The following EYS variants were observed in gnomAD, a reference collection of about 807,000 sequenced individuals.
EYS encodes the protein protein eyes shut homolog.
A neutral mutation model predicts 282.1 loss-of-function variants in EYS; 250 were observed. That is an observed-to-expected ratio of 0.89 (90% CI 0.80 to 0.98). The LOEUF is 0.98. Among genes scored for constraint, EYS ranks in the 50% least tolerant of loss-of-function variants. EYS has a pLI of 0.00. For missense variants in EYS, 4,016 were observed against 3,709.0 expected, an observed-to-expected ratio of 1.08 and a Z score of -2.15; for synonymous variants, 1,355 against 1,282.9, an observed-to-expected ratio of 1.06 and a Z score of -1.20.
intron 12 of EYS, among the ~76,000 whole-genome samples, chr6:65,294,993 A>G (rs1768623134): frequency 1.1e-4 from 16 of 151,916 alleles, no homozygotes; most frequent in Admixed American, 1.1e-3. Context: ...CACCATTTCC[A>G]TTTTTGGAAT....
rs1200888716 is a variant in EYS, at chr6:65,503,318, TTTATTA to T, written c.-332-7331_-332-7326del. 3.3e-5 allele frequency among the ~76,000 whole-genome samples: 5 copies of T among 151,620 alleles called. No individual in the cohort carries two copies. The South Asian group carries it at 6.2e-4, about 19-fold the overall frequency. On this transcript the variant is annotated intron_variant, in intron 2 of 42. Transcript: ENST00000503581. ...TATGCACGTTTAATTAGTTCTTTGT[TTTATTA>T]TTATTGAGTTTTAAGAATCCTTTTA...
At chr6:64,821,778 T>G (rs1764907780) in intron 20 of EYS, 55 bp from the exon 21 acceptor site, 1 of 1,028,864 alleles carries the variant, frequency 9.7e-7, no homozygotes, top group Admixed American at 2.3e-5. Context: ...AAAGCATAAC[T>G]TCAAGGGAGT....
intron 26 of EYS, among the ~76,000 whole-genome samples, chr6:64,454,387 T>C (rs1449328981): frequency 6.6e-6 from 1 of 152,154 alleles, no homozygotes; most frequent in Non-Finnish European, 1.5e-5. Flanking sequence ...TATATAAATA[T>C]TGAAATTAGC....
At chr6:65,514,572 G>GT (rs1387178962) in intron 2 of EYS, among the ~76,000 whole-genome samples, 1 of 152,120 alleles carries the variant, frequency 6.6e-6, no homozygotes. Flanking sequence ...AAACAGCATG[G>GT]TACTTGTACC....
chr6:65,545,542 T>G (rs1768353611), intron 2 of EYS, among the ~76,000 whole-genome samples: 1 of 152,064 alleles, frequency 6.6e-6, no homozygotes, highest in Non-Finnish European at 1.5e-5. Context: ...GATCAAAGAG[T>G]ATATTATCTG....
intron 31 of EYS, among the ~76,000 whole-genome samples, chr6:64,115,855 T>C (rs1773365624): frequency 1.3e-5 from 2 of 152,194 alleles, no homozygotes; most frequent in African/African-American, 4.8e-5. Context: ...AGTGGAGATC[T>C]ATGAATTTCC....
chr6:63,929,616 G>A (rs1581989203), intron 35 of EYS, among the ~76,000 whole-genome samples: 1 of 152,176 alleles, frequency 6.6e-6, no homozygotes, highest in African/African-American at 2.4e-5. Flanking sequence ...GCTTCGAAAG[G>A]AAGGCTCTGT....
intron 29 of EYS, among the ~76,000 whole-genome samples, chr6:64,322,518 C>T (rs1770253224): frequency 1.3e-5 from 2 of 151,968 alleles, no homozygotes; most frequent in African/African-American, 2.4e-5. Context: ...GGGCCAATAT[C>T]TCAGAGAGAA....
intron 2 of EYS, among the ~76,000 whole-genome samples, chr6:65,593,582 T>C (rs79513106): frequency 1.0e-3 from 153 of 152,120 alleles, no homozygotes; most frequent in African/African-American, 3.6e-3. Context: ...GTGTCTCTCA[T>C]ATGCATACAC....
chr6:63,839,622 T>G (rs1415674117), intron 36 of EYS, among the ~76,000 whole-genome samples: 1 of 152,168 alleles, frequency 6.6e-6, no homozygotes, highest in Non-Finnish European at 1.5e-5. Flanking sequence ...GTGCTGACAT[T>G]ACAGGTATGA....
At chr6:64,324,814 A>G (rs1770350238) in intron 29 of EYS, among the ~76,000 whole-genome samples, 1 of 152,220 alleles carries the variant, frequency 6.6e-6, no homozygotes, top group Admixed American at 6.5e-5. Flanking sequence ...ATTTCTATGT[A>G]TCAATAACAT....
At chr6:64,340,177 A>G (rs116606795) in intron 29 of EYS, among the ~76,000 whole-genome samples, 4 of 151,460 alleles carry the variant, frequency 2.6e-5, no homozygotes, top group Non-Finnish European at 5.9e-5. Flanking sequence ...AGAAGTAAAA[A>G]AGTGTGTGTG....
intron 31 of EYS, among the ~76,000 whole-genome samples, chr6:64,092,599 C>G (rs936216609): frequency 5.3e-5 from 8 of 151,804 alleles, no homozygotes; most frequent in African/African-American, 1.9e-4. Flanking sequence ...TGATGGGGTT[C>G]TTTGTTTTTT....
Position 64,542,935 on chromosome 6 carries a change from A to G in EYS, c.5644+47288T>C, listed in dbSNP as rs148808036. Reference sequence around the variant, plus strand: ...TTACCAAGAAACTCTTGAATTTGCAATTGTATACCACAAATAAATGCATTA... The same window carrying G: ...TTACCAAGAAACTCTTGAATTTGCAGTTGTATACCACAAATAAATGCATTA... On this transcript the variant is annotated intron_variant, in intron 26 of 42. Coordinates refer to ENST00000503581, the MANE Select transcript of EYS (RefSeq NM_001142800.2). Among the ~76,000 whole-genome samples the G allele has an allele frequency of 1.2e-3, 185 of 152,192 alleles. 1 individual carries two copies. The highest frequency in any genetic ancestry group is 6.8e-3 in the Middle Eastern group (2 of 294).
chr6:64,214,920 C>A (rs1765886384), intron 31 of EYS, among the ~76,000 whole-genome samples: 1 of 151,824 alleles, frequency 6.6e-6, no homozygotes. Context: ...TAAAATTATG[C>A]AAATCTGATT....
At chr6:65,322,772 G>A (rs1341581357) in intron 11 of EYS, among the ~76,000 whole-genome samples, 1 of 146,298 alleles carries the variant, frequency 6.8e-6, no homozygotes, top group South Asian at 2.2e-4. Flanking sequence ...CTCCAGCCCA[G>A]GTGAGAGAGC....
chr6:65,121,471 T>C (rs1775548703), intron 12 of EYS, among the ~76,000 whole-genome samples: 2 of 152,200 alleles, frequency 1.3e-5, no homozygotes, highest in African/African-American at 4.8e-5. Context: ...TGTGGTGTGC[T>C]TTGCTAATCA....
At chr6:63,890,560 A>C (rs1773381216) in intron 35 of EYS, among the ~76,000 whole-genome samples, 1 of 152,234 alleles carries the variant, frequency 6.6e-6, no homozygotes, top group Non-Finnish European at 1.5e-5. Context: ...GAATAAAGAC[A>C]CACTGTACCA....
chr6:64,356,660 A>C (rs374417895), intron 29 of EYS, among the ~76,000 whole-genome samples: 2 of 151,670 alleles, frequency 1.3e-5, no homozygotes, highest in South Asian at 2.1e-4. Flanking sequence ...ATCAGAGAGG[A>C]GGCGTCTCAG....
Sources: allele counts gnomAD v4.1 joint callset (sites outside exome capture counted in the v4.1 genomes callset), GRCh38; gene constraint gnomAD v4.1.1; transcripts MANE v1.5; gene names NCBI Gene and HGNC (gene_info 2026-07-23, HGNC 2026-07-21).